PDE10A: variants seen among roughly 807,000 people sequenced by gnomAD.
The protein encoded by PDE10A is phosphodiesterase 10A, also known as cAMP and cAMP-inhibited cGMP 3',5'-cyclic phosphodiesterase 10A.
A neutral mutation model predicts 97.7 loss-of-function variants in PDE10A; 39 were observed. The observed-to-expected ratio is 0.40, with a 90% confidence interval of 0.31 to 0.52. PDE10A has a LOEUF of 0.52. Ranked by LOEUF, PDE10A falls within the 20% of genes least tolerant of loss-of-function variation. PDE10A has a pLI of 0.56. For synonymous variants in PDE10A, 371 were observed against 376.8 expected (o/e 0.98, Z 0.18); for missense variants, 731 against 1,047.8 (o/e 0.70, Z 4.17).
At chr6:165,659,613 C>CAA (rs1221052269) in intron 1 of PDE10A, among the ~76,000 whole-genome samples, 1 of 152,218 alleles carries the variant, frequency 6.6e-6, no homozygotes, top group Non-Finnish European at 1.5e-5. Context: ...AGTCATGTCC[C>CAA]AAATAAGACT....
chr6:165,940,092 T>C (rs969321344), intron 1 of PDE10A: 1 of 152,262 alleles, frequency 6.6e-6, no homozygotes, highest in African/African-American at 2.4e-5. Flanking sequence ...AGCCTTTAAA[T>C]TGGAGCGTCC....
chr6:165,783,867 T>C (rs775214128), intron 1 of PDE10A, among the ~76,000 whole-genome samples: 22 of 152,052 alleles, frequency 1.4e-4, no homozygotes, highest in Non-Finnish European at 2.9e-4. Context: ...AGGAGTAACC[T>C]AGGTTTGAGA....
intron 2 of PDE10A, among the ~76,000 whole-genome samples, chr6:165,492,249 T>A (rs1780269958): frequency 6.6e-6 from 1 of 152,126 alleles, no homozygotes; most frequent in Admixed American, 6.5e-5. Flanking sequence ...CAGGACCAAA[T>A]GGATTCATGG....
chr6:165,900,479 A>G (rs527274397), intron 1 of PDE10A, among the ~76,000 whole-genome samples: 2 of 152,076 alleles, frequency 1.3e-5, no homozygotes, highest in East Asian at 1.9e-4. Context: ...CTCAAAAAAA[A>G]CTACAAATAA....
intron 1 of PDE10A, among the ~76,000 whole-genome samples, chr6:165,786,543 A>T (rs1353367038): frequency 6.6e-6 from 1 of 152,186 alleles, no homozygotes; most frequent in African/African-American, 2.4e-5. Context: ...ATGACTGTTT[A>T]TGGGAAAACT....
intron 1 of PDE10A, among the ~76,000 whole-genome samples, chr6:165,544,836 CACACAT>C (rs2128324590): frequency 6.9e-6 from 1 of 145,072 alleles, no homozygotes; most frequent in South Asian, 2.1e-4. Flanking sequence ...CACACACACA[CACACAT>C]ATACACACAC....
intron 18 of PDE10A, among the ~76,000 whole-genome samples, chr6:165,373,618 T>G (rs2128203843): frequency 6.6e-6 from 1 of 152,184 alleles, no homozygotes; most frequent in South Asian, 2.1e-4. Flanking sequence ...TAGGAACACT[T>G]TTACACTGTT....
chr6:165,413,095 C>A (rs1053554491), intron 13 of PDE10A, among the ~76,000 whole-genome samples: 8 of 151,592 alleles, frequency 5.3e-5, no homozygotes, highest in Admixed American at 3.3e-4. Context: ...ACAGAACTTT[C>A]CTGGTGGGTG....
At chr6:165,427,557 T>TA in intron 10 of PDE10A, among the ~76,000 whole-genome samples, 1 of 152,262 alleles carries the variant, frequency 6.6e-6, no homozygotes, top group East Asian at 1.9e-4. Flanking sequence ...GAAAATGTTC[T>TA]AAAATTGATT....
intron 1 of PDE10A, among the ~76,000 whole-genome samples, chr6:165,881,851 A>AT (rs1436789296): frequency 6.6e-6 from 1 of 152,104 alleles, no homozygotes. Context: ...ATACATATAT[A>AT]TTTTTTTCTC....
At chr6:165,956,765 T>A (rs192983853) in intron 1 of PDE10A, among the ~76,000 whole-genome samples, 473 of 152,298 alleles carry the variant, frequency 3.1e-3, no homozygotes, top group Non-Finnish European at 5.7e-3. Flanking sequence ...CAGGAACAGA[T>A]GTGTCAACCA....
At chr6:165,650,879 A>C (rs1789652136) in intron 1 of PDE10A, among the ~76,000 whole-genome samples, 1 of 152,104 alleles carries the variant, frequency 6.6e-6, no homozygotes, top group Non-Finnish European at 1.5e-5. Context: ...CTGGGACTAC[A>C]GGTGTGTGCC....
At chr6:165,879,773 A>G (rs1243799192) in intron 1 of PDE10A, among the ~76,000 whole-genome samples, 1 of 152,170 alleles carries the variant, frequency 6.6e-6, no homozygotes, top group Non-Finnish European at 1.5e-5. Context: ...TTTTATTTAT[A>G]TGATTTTTTT....
chr6:165,935,064 A>G (rs1783278825), intron 1 of PDE10A, among the ~76,000 whole-genome samples: 1 of 152,230 alleles, frequency 6.6e-6, no homozygotes, highest in Admixed American at 6.5e-5. Flanking sequence ...TCCCCCAAGA[A>G]GTTCACAGTC....
rs1214768365 is a variant in PDE10A, at chr6:165,388,915, A to G, written c.2455-462T>C. On this transcript the variant is annotated intron_variant, in intron 16 of 21. Coordinates refer to ENST00000539869, the MANE Select transcript of PDE10A (RefSeq NM_001385079.1). The surrounding 1 kb of genome is among the most constrained non-coding windows in gnomAD (Gnocchi z 4.0). ...TATCGCATGTAAAAATGGCAAATAT[A>G]TAGAAAAAAAGGCAGAGCAGGCTAA... Among the ~76,000 whole-genome samples, 6 of 152,344 alleles carry G rather than the reference A, an allele frequency of 3.9e-5. No individual in the cohort carries two copies. The East Asian group carries it at 1.2e-3, about 29-fold the overall frequency.
chr6:165,687,970 G>A (rs1791167608), intron 1 of PDE10A, among the ~76,000 whole-genome samples: 2 of 152,206 alleles, frequency 1.3e-5, no homozygotes, highest in South Asian at 4.1e-4. Flanking sequence ...ATGTGAACGA[G>A]GACGGCTCAA....
At chr6:165,590,862 G>T (rs1158381494) in intron 1 of PDE10A, among the ~76,000 whole-genome samples, 1 of 152,142 alleles carries the variant, frequency 6.6e-6, no homozygotes, top group African/African-American at 2.4e-5. Context: ...CTGCAGTCCA[G>T]CCTGGGCGAC....
chr6:165,371,757 G>A (rs113161744), intron 18 of PDE10A, among the ~76,000 whole-genome samples: 12 of 151,682 alleles, frequency 7.9e-5, no homozygotes, highest in South Asian at 2.1e-4. Context: ...TACCAAAGCC[G>A]GGCAGAGACA....
At chr6:165,582,090 C>T (rs1328388018) in intron 1 of PDE10A, among the ~76,000 whole-genome samples, 1 of 152,184 alleles carries the variant, frequency 6.6e-6, no homozygotes, top group Non-Finnish European at 1.5e-5. Flanking sequence ...ACAATAAGAA[C>T]AGTTGAAGAT....
Sources: allele counts gnomAD v4.1 joint callset (sites outside exome capture counted in the v4.1 genomes callset), GRCh38; gene constraint gnomAD v4.1.1; non-coding constraint Gnocchi (gnomAD v3.1); transcripts MANE v1.5; gene names NCBI Gene and HGNC (gene_info 2026-07-23, HGNC 2026-07-21).